The following KLRG1 variants were observed in gnomAD, a reference collection of about 807,000 sequenced individuals.
KLRG1 encodes killer cell lectin-like receptor subfamily G member 1.
KLRG1 carries 16 observed loss-of-function variants against 21.8 expected under a neutral mutation model. The observed-to-expected ratio is 0.73, with a 90% CI of 0.50 to 1.11. The LOEUF is 1.11. Among genes scored for constraint, KLRG1 ranks in the 50% most tolerant of loss-of-function variants. The pLI, the probability that KLRG1 is intolerant of heterozygous loss-of-function variation, is 0.00. For synonymous variants in KLRG1, 69 were observed against 75.9 expected, an observed-to-expected ratio of 0.91 and a Z score of 0.47; for missense variants, 173 against 218.3, an observed-to-expected ratio of 0.79 and a Z score of 1.31.
the KLRG1 span, among the ~76,000 whole-genome samples, chr12:9,032,099 C>T: frequency 6.6e-6 from 1 of 152,170 alleles, no homozygotes; most frequent in Non-Finnish European, 1.5e-5. Flanking sequence ...TAAGCTGACA[C>T]ATAAAATTAA....
chr12:9,093,140 A>G, the KLRG1 span, among the ~76,000 whole-genome samples: 91 of 152,324 alleles, frequency 6.0e-4, no homozygotes, highest in African/African-American at 2.2e-3. Context: ...GAAGTTACGT[A>G]GGATGAATAA....
intron 1 of KLRG1, among the ~76,000 whole-genome samples, chr12:8,950,451 A>G (rs1213505013): frequency 1.3e-5 from 2 of 152,150 alleles, no homozygotes; most frequent in African/African-American, 4.8e-5. Context: ...CCACTTGTTG[A>G]AGTCCTGCTC....
At chr12:9,180,351 A>G in the KLRG1 span, among the ~76,000 whole-genome samples, 6 of 152,150 alleles carry the variant, frequency 3.9e-5, no homozygotes, top group Non-Finnish European at 8.8e-5. Flanking sequence ...AGGCAATCCT[A>G]AGCCAAAAGA....
the KLRG1 span, among the ~76,000 whole-genome samples, chr12:9,065,643 G>A: frequency 1.3e-5 from 2 of 152,216 alleles, no homozygotes; most frequent in African/African-American, 2.4e-5. Context: ...GGAGCAGGAG[G>A]CAGACAGGTT....
At chr12:9,176,796 A>T in the KLRG1 span, among the ~76,000 whole-genome samples, 2 of 152,186 alleles carry the variant, frequency 1.3e-5, no homozygotes, top group African/African-American at 4.8e-5. Context: ...TGATTATTCT[A>T]TGCCAGTTCC....
At chr12:9,124,897 T>C in the KLRG1 span, among the ~76,000 whole-genome samples, 1 of 152,220 alleles carries the variant, frequency 6.6e-6, no homozygotes, top group Non-Finnish European at 1.5e-5. Context: ...CTAGGACTTG[T>C]GGTGCCTCCT....
At chr12:9,091,218 G>A in the KLRG1 span, 1 of 1,614,132 alleles carries the variant, frequency 6.2e-7, no homozygotes, top group Non-Finnish European at 8.5e-7. Flanking sequence ...CATTTGGGAA[G>A]GTAGTTTAGG....
At chr12:9,157,665 T>C in the KLRG1 span, 11 of 1,077,828 alleles carry the variant, frequency 1.0e-5, no homozygotes, top group Non-Finnish European at 1.5e-5. Context: ...TCCCTCATCA[T>C]TGAACCAAAA....
At chr12:9,086,450 A>G in the KLRG1 span, among the ~76,000 whole-genome samples, 2 of 152,256 alleles carry the variant, frequency 1.3e-5, no homozygotes, top group East Asian at 3.8e-4. Context: ...TACCTAGTCA[A>G]GTGGGATTTA....
the KLRG1 span, chr12:9,168,912 G>C: frequency 6.2e-7 from 1 of 1,613,928 alleles, no homozygotes; most frequent in Admixed American, 1.7e-5. Context: ...ACACGGAAGG[G>C]ATGACTGAAC....
the KLRG1 span, among the ~76,000 whole-genome samples, chr12:9,096,790 A>C: frequency 6.6e-6 from 1 of 152,308 alleles, no homozygotes; most frequent in East Asian, 1.9e-4. Flanking sequence ...GGCATATTGC[A>C]TAATTATTGT....
the KLRG1 span, among the ~76,000 whole-genome samples, chr12:9,084,581 A>G: frequency 6.6e-6 from 1 of 152,248 alleles, no homozygotes; most frequent in East Asian, 1.9e-4. Context: ...TCATACCACT[A>G]CAGAACATCA....
the KLRG1 span, chr12:9,160,152 A>ATCTGCC: frequency 3.5e-6 from 4 of 1,146,018 alleles, no homozygotes; most frequent in Admixed American, 8.5e-5. Context: ...TAGTTTTGTG[A>ATCTGCC]ATGTTATGGA....
rs372908950 is a variant in KLRG1, at chr12:8,996,149, G to A, written c.357+861G>A. On this transcript the variant is annotated intron_variant, in intron 3 of 4. Transcript: ENST00000356986. ...AGTTGGGATATAAGGAAGAAAACACGCGTGCACGTGCATGTGTGTGTGTGT... is the reference window on the plus strand; with the variant it reads ...AGTTGGGATATAAGGAAGAAAACACACGTGCACGTGCATGTGTGTGTGTGT... Among the ~76,000 whole-genome samples, 14 of 152,194 alleles carry A rather than the reference G, an allele frequency of 9.2e-5. No individual in the cohort carries two copies. In the East Asian group the frequency reaches 1.7e-3, roughly 19 times the overall value.
chr12:9,192,696 A>G, the KLRG1 span: 1 of 1,613,700 alleles, frequency 6.2e-7, no homozygotes, highest in Non-Finnish European at 8.5e-7. Context: ...GTCTTCTGCT[A>G]CCCATGAATA....
chr12:9,046,043 G>A, the KLRG1 span, among the ~76,000 whole-genome samples: 1 of 152,176 alleles, frequency 6.6e-6, no homozygotes, highest in Admixed American at 6.5e-5. Flanking sequence ...GGGCAGGTGG[G>A]AGAGCATCAG....
chr12:9,194,755 T>C, the KLRG1 span, among the ~76,000 whole-genome samples: 57 of 152,230 alleles, frequency 3.7e-4, no homozygotes, highest in Admixed American at 1.2e-3. Flanking sequence ...TGAGCCACCG[T>C]GCCCGGCCAA....
the KLRG1 span, chr12:9,106,195 A>C: frequency 1.7e-6 from 2 of 1,183,264 alleles, no homozygotes; most frequent in Non-Finnish European, 2.5e-6. Context: ...CTAATTAGGT[A>C]ACAGTACATG....
At chr12:9,202,407 A>G in the KLRG1 span, 9 of 1,614,074 alleles carry the variant, frequency 5.6e-6, no homozygotes, top group Admixed American at 1.5e-4. Context: ...TTCAGACATG[A>G]TAAAGCAGGT....
Sources: gnomAD v4.1 joint callset for allele counts (sites outside exome capture counted in the v4.1 genomes callset) on GRCh38, gnomAD v4.1.1 for gene constraint, MANE v1.5 for transcripts, NCBI Gene and HGNC (gene_info 2026-07-23, HGNC 2026-07-21) for gene names.